Variants in NASP observed in about 807,000 individuals in gnomAD.
NASP encodes the protein nuclear autoantigenic sperm protein, also known as NASP histone chaperone.
A neutral mutation model predicts 89.5 loss-of-function variants in NASP; 24 were observed. That is an observed-to-expected ratio of 0.27 (90% CI 0.19 to 0.38). The LOEUF is 0.38. Among genes scored for constraint, NASP ranks in the 10% least tolerant of loss-of-function variants. The pLI, the probability that NASP is intolerant of heterozygous loss-of-function variation, is 1.00. For missense variants in NASP, 848 were observed against 921.4 expected, an observed-to-expected ratio of 0.92 and a Z score of 1.03; for synonymous variants, 306 against 324.7, an observed-to-expected ratio of 0.94 and a Z score of 0.62.
chr1:45,614,889 A>G, intron 9 of NASP, 124 bp from the exon 10 acceptor site: 1 of 864,170 alleles, frequency 1.2e-6, no homozygotes, highest in East Asian at 2.7e-5. Context: ...AGGGTCCTGG[A>G]AATAACTATA....
chr1:45,587,687 T>TATATATATATATAAAA (rs66829841), intron 1 of NASP, among the ~76,000 whole-genome samples: 5 of 78,198 alleles, frequency 6.4e-5, no homozygotes, highest in East Asian at 5.5e-4. Context: ...TATATATATA[T>TATATATATATATAAAA]AATTAATTTT....
At chr1:45,596,243 CAT>C (rs967441555) in intron 2 of NASP, among the ~76,000 whole-genome samples, 11 of 152,144 alleles carry the variant, frequency 7.2e-5, no homozygotes, top group South Asian at 2.1e-4. Context: ...TGGTAAAACA[CAT>C]ATAATATAAA....
chr1:45,617,330 G>C, intron 13 of NASP, 133 bp from the exon 14 acceptor site: 2 of 1,044,398 alleles, frequency 1.9e-6, no homozygotes, highest in Non-Finnish European at 2.8e-6. Flanking sequence ...CCTGTGGCTA[G>C]GGAGAGAGAC....
At chr1:45,616,575 C>A (rs777702696) in intron 12 of NASP, 51 bp from the exon 13 acceptor site, 1 of 1,574,534 alleles carries the variant, frequency 6.4e-7, no homozygotes, top group East Asian at 2.2e-5. Flanking sequence ...AAAGCCTCAG[C>A]ATTGATCTCA....
At chr1:45,610,260 G>C (rs1643982739) in intron 6 of NASP, 1 of 152,086 alleles carries the variant, frequency 6.6e-6, no homozygotes, top group African/African-American at 2.4e-5. Flanking sequence ...AAAGCCCCAG[G>C]CTTTTCATAT....
At chr1:45,600,574 G>A in intron 2 of NASP, 4 of 640,978 alleles carry the variant, frequency 6.2e-6, no homozygotes, top group Non-Finnish European at 8.2e-6. Context: ...GACATTTTAT[G>A]ATGTAGATAT....
intron 2 of NASP, among the ~76,000 whole-genome samples, chr1:45,599,953 A>ATTTTTTTTTTTTTTTTTTTT (rs11302173): frequency 1.3e-5 from 1 of 79,074 alleles, no homozygotes; most frequent in Non-Finnish European, 2.4e-5. Flanking sequence ...TTTCCTCTGT[A>ATTTTTTTTTTTTTTTTTTTT]TTTTTTTTTT....
intron 2 of NASP, among the ~76,000 whole-genome samples, chr1:45,601,198 T>C (rs1167007570): frequency 6.6e-6 from 1 of 152,190 alleles, no homozygotes; most frequent in Non-Finnish European, 1.5e-5. Context: ...TTTTTTCCTC[T>C]TGTTAATAGT....
chr1:45,607,908 C>T lies in NASP; in HGVS notation c.997C>T (p.Leu333=). 1.2e-6 allele frequency: 2 copies of T among 1,614,152 alleles called. No homozygotes were observed. Among genetic ancestry groups the T allele is most frequent in the Non-Finnish European group, 1.7e-6 (2 of 1,180,036 alleles). The stretch of plus-strand genomic sequence containing the variant: ...GGCAGGAAAGGCGGTTCTTGAACAA[C>T]TGGTAGGTCAAGAAGTACCACCTGC... ...NEAGKAVLEQ[L]VGQEVPPAEE... The change falls in exon 6 of 15, where the codon CTG becomes TTG. Residue 333 remains leucine (L), a synonymous_variant. Transcript: ENST00000350030.
In NASP at chr1:45,584,077, T is replaced by C. The variant is rs567538309; in HGVS notation, c.-70T>C. 5.6e-6 allele frequency: 8 copies of C among 1,435,758 alleles called. No homozygotes were observed. Among genetic ancestry groups the C allele is most frequent in the Middle Eastern group, 2.0e-4 (1 of 5,032 alleles). The allele number at this position is 1,435,758 out of a possible 1,614,324, so 88.9% of individuals were successfully genotyped here. On this transcript the variant is annotated 5_prime_UTR_variant, in exon 1 of 15. Coordinates refer to ENST00000350030, the MANE Select transcript of NASP (RefSeq NM_002482.4). ...CATTTTCTGTCCCTGAGTGAGTCTC[T>C]GGCGTCCCAAATTGCCTGTTTTTCT...
At chr1:45,591,170 C>T (rs1643538024) in intron 1 of NASP, 53 bp from the exon 2 acceptor site, 1 of 1,070,332 alleles carries the variant, frequency 9.3e-7, no homozygotes. Flanking sequence ...TATTTTCAGG[C>T]TTAATAATTG....
intron 2 of NASP, among the ~76,000 whole-genome samples, chr1:45,600,924 T>C (rs1276852789): frequency 1.3e-5 from 2 of 152,220 alleles, no homozygotes; most frequent in East Asian, 1.9e-4. Flanking sequence ...TTTGTATTTT[T>C]TTGAGTGAGC....
intron 9 of NASP, 98 bp downstream of exon 9, chr1:45,614,464 AG>A: frequency 1.0e-6 from 1 of 955,300 alleles, no homozygotes; most frequent in Non-Finnish European, 1.7e-6. Flanking sequence ...TTAAAAAGAT[AG>A]GTCTGTGTTC....
intron 6 of NASP, chr1:45,609,522 A>G (rs913254778): frequency 1.3e-5 from 2 of 152,224 alleles, no homozygotes; most frequent in South Asian, 2.1e-4. Flanking sequence ...AAAACCACAC[A>G]CACAAAAAAA....
intron 2 of NASP, among the ~76,000 whole-genome samples, chr1:45,595,228 T>C (rs1378343173): frequency 6.7e-6 from 1 of 149,876 alleles, no homozygotes; most frequent in African/African-American, 2.4e-5. Context: ...AGGCAGGTCT[T>C]GAACTTCTGC....
In NASP at chr1:45,606,575, T is replaced by C. The variant is rs756736872; in HGVS notation, c.393T>C (p.Asn131=). 2 of 1,601,240 alleles carry C rather than the reference T, an allele frequency of 1.2e-6. No individual in the cohort carries two copies. The highest frequency in any genetic ancestry group is 1.3e-5 in the African/African-American group (1 of 74,768). The part of the protein sequence containing the change: ...EKTEDESLVE[N]NDNIDEEARE... The stretch of plus-strand genomic sequence containing the variant: ...CAGAAGATGAATCTCTGGTAGAAAA[T>C]AATGATAACATAGATGGTATGTGGA... Residue 131 remains asparagine, a synonymous_variant, in exon 5 of 15, where the codon AAT becomes AAC. Coordinates refer to ENST00000350030, the MANE Select transcript of NASP (RefSeq NM_002482.4).
At chr1:45,595,002 TC>T (rs1000346919) in intron 2 of NASP, among the ~76,000 whole-genome samples, 1 of 151,986 alleles carries the variant, frequency 6.6e-6, no homozygotes, top group Non-Finnish European at 1.5e-5. Flanking sequence ...TTCTTTTTTT[TC>T]CCCCCTTGAG....
intron 2 of NASP, among the ~76,000 whole-genome samples, chr1:45,599,954 T>A (rs1158575732): frequency 2.4e-4 from 3 of 12,330 alleles, no homozygotes; most frequent in Non-Finnish European, 5.1e-4. Context: ...TTCCTCTGTA[T>A]TTTTTTTTTT....
rs957315405 is a variant in NASP, at chr1:45,618,829, A to T, written c.*688A>T. The T allele has an allele frequency of 3.3e-5, 5 of 152,246 alleles. No individual in the cohort carries two copies. The highest frequency in any genetic ancestry group is 1.2e-4 in the African/African-American group (5 of 41,454). 9.4% of individuals were successfully genotyped at this position (152,246 alleles called of 1,614,324 possible). On this transcript the variant is annotated 3_prime_UTR_variant, in exon 15 of 15. Coordinates refer to ENST00000350030, the MANE Select transcript of NASP (RefSeq NM_002482.4). ...ATTTTCTGTATAGAAAGGTTGAGATATATCAACACTTGGAATTGTTACCCA... is the reference window on the plus strand; with the variant it reads ...ATTTTCTGTATAGAAAGGTTGAGATTTATCAACACTTGGAATTGTTACCCA...
Sources: allele counts gnomAD v4.1 joint callset (sites outside exome capture counted in the v4.1 genomes callset), GRCh38; gene constraint gnomAD v4.1.1; transcripts MANE v1.5; gene names NCBI Gene and HGNC (gene_info 2026-07-23, HGNC 2026-07-21).